Variants in MGAT4C observed in about 807,000 individuals in gnomAD.
MGAT4C encodes alpha-1,3-mannosyl-glycoprotein 4-beta-N-acetylglucosaminyltransferase C.
MGAT4C carries 19 observed loss-of-function variants against 40.1 expected under a neutral mutation model. That is an observed-to-expected ratio of 0.47 (90% confidence interval 0.33 to 0.70). MGAT4C has a LOEUF of 0.70. Among genes scored for constraint, MGAT4C ranks in the 30% least tolerant of loss-of-function variants. The probability of loss-of-function intolerance (pLI) is 0.02; values close to 1 mark genes in which losing one functional copy is unlikely to be tolerated. For synonymous variants in MGAT4C, 181 were observed against 187.1 expected, an observed-to-expected ratio of 0.97 and a Z score of 0.27; for missense variants, 491 against 563.2, an observed-to-expected ratio of 0.87 and a Z score of 1.30.
intron 4 of MGAT4C, among the ~76,000 whole-genome samples, chr12:86,313,143 C>A (rs1954120799): frequency 6.6e-6 from 1 of 151,940 alleles, no homozygotes; most frequent in Non-Finnish European, 1.5e-5. Flanking sequence ...TACAAAAAGA[C>A]AGTATTTTTT....
intron 1 of MGAT4C, among the ~76,000 whole-genome samples, chr12:86,728,118 G>T (rs1277019045): frequency 6.6e-6 from 1 of 152,132 alleles, no homozygotes; most frequent in African/African-American, 2.4e-5. Context: ...AGTCTATGAG[G>T]AGTGAGATGT....
intron 3 of MGAT4C, among the ~76,000 whole-genome samples, chr12:86,408,477 C>CTA (rs1222218802): frequency 2.1e-3 from 209 of 97,464 alleles, no homozygotes; most frequent in Non-Finnish European, 2.7e-3. Flanking sequence ...CTCTCTCTCT[C>CTA]TCTATATATA....
intron 1 of MGAT4C, among the ~76,000 whole-genome samples, chr12:86,148,538 A>G (rs1883854948): frequency 6.6e-6 from 1 of 152,150 alleles, no homozygotes; most frequent in Non-Finnish European, 1.5e-5. Flanking sequence ...TGTCTGTGCA[A>G]ATTTTCTCAT....
At position 85,989,472 on chromosome 12, in the gene MGAT4C, T is replaced by A; in HGVS notation, c.75A>T (p.Thr25=). Residue 25 remains threonine, a synonymous_variant, in exon 3 of 5, where the codon ACA becomes ACT. Coordinates refer to ENST00000611864, the MANE Select transcript of MGAT4C (RefSeq NM_001351288.2). The stretch of plus-strand genomic sequence containing the variant: ...TGACAAGAACTCCCAAGAATGACAC[T>A]GTAGAACGTTTTCTCAGGCATCTCA... ...DKMRCLRKRS[T]VSFLGVLVIF... 6.2e-7 allele frequency: 1 copy of A among 1,607,740 alleles called. No homozygotes were observed. The highest frequency in any genetic ancestry group is 8.5e-7 in the Non-Finnish European group (1 of 1,175,908).
chr12:86,242,152 G>A (rs1408686668), intron 1 of MGAT4C, among the ~76,000 whole-genome samples: 1 of 152,092 alleles, frequency 6.6e-6, no homozygotes, highest in Non-Finnish European at 1.5e-5. Context: ...TTTAAATTCT[G>A]CCTAGGGCCT....
At chr12:86,753,531 T>C (rs534527481) in intron 1 of MGAT4C, among the ~76,000 whole-genome samples, 1 of 152,206 alleles carries the variant, frequency 6.6e-6, no homozygotes, top group Admixed American at 6.6e-5. Flanking sequence ...TGTGTGTGTG[T>C]CTTTAATTCC....
At chr12:86,307,562 C>A (rs1424333836) in intron 4 of MGAT4C, among the ~76,000 whole-genome samples, 2 of 150,284 alleles carry the variant, frequency 1.3e-5, no homozygotes, top group African/African-American at 5.0e-5. Context: ...TGCTTTTCAG[C>A]AACAATTTTA....
At chr12:86,611,424 A>AGG (rs1383470518) in intron 2 of MGAT4C, among the ~76,000 whole-genome samples, 29 of 133,614 alleles carry the variant, frequency 2.2e-4, no homozygotes, top group Non-Finnish European at 4.0e-4. Context: ...AGGTAGGTAG[A>AGG]TAGATAGATG....
rs554251064 is a variant in MGAT4C, at chr12:85,961,104, T to A, written c.*18185A>T. On this transcript the variant is annotated 3_prime_UTR_variant, in exon 5 of 5. Transcript: ENST00000611864. ...GCAAGAATTACAAATTGGGAGCAGG[T>A]AAGAAAATTGTTGTTGACTCTCATT... is the stretch of plus-strand genomic sequence containing the variant. The A allele has an allele frequency of 6.6e-6, 1 of 152,064 alleles. No individual in the cohort carries two copies. The highest frequency in any genetic ancestry group is 2.1e-4 in the South Asian group (1 of 4,830). 9.4% of individuals were successfully genotyped at this position (152,064 alleles called of 1,614,324 possible).
At chr12:86,166,265 A>T (rs967411531) in intron 1 of MGAT4C, among the ~76,000 whole-genome samples, 1 of 152,224 alleles carries the variant, frequency 6.6e-6, no homozygotes, top group Non-Finnish European at 1.5e-5. Context: ...CTTAAATTCT[A>T]AACTATTACT....
chr12:86,110,165 T>C (rs1234652800), intron 1 of MGAT4C, among the ~76,000 whole-genome samples: 2 of 146,470 alleles, frequency 1.4e-5, no homozygotes, highest in Non-Finnish European at 3.0e-5. Context: ...CGTAACATGT[T>C]AGGAGATTAG....
chr12:86,371,913 A>G (rs567017374), intron 3 of MGAT4C, among the ~76,000 whole-genome samples: 4 of 152,142 alleles, frequency 2.6e-5, no homozygotes, highest in South Asian at 4.1e-4. Flanking sequence ...ACTTTCCTGG[A>G]AATAAAAAAT....
intron 3 of MGAT4C, among the ~76,000 whole-genome samples, chr12:86,403,372 T>A (rs1956406333): frequency 6.6e-6 from 1 of 152,212 alleles, no homozygotes; most frequent in Non-Finnish European, 1.5e-5. Context: ...AGGAAAAATA[T>A]ATGCAAATAC....
In MGAT4C at chr12:86,514,081, C is replaced by G. The variant is rs1420366124; in HGVS notation, c.-228-78816G>C. On this transcript the variant is annotated intron_variant, in intron 2 of 7. Coordinates refer to the MGAT4C transcript ENST00000548651. ...AGCCATGCACCAACACACACACACA[C>G]ACACACACACACACACACACACACA... Among the ~76,000 whole-genome samples, 14 of 151,020 alleles carry G rather than the reference C, an allele frequency of 9.3e-5. 1 individual carries two copies. The East Asian group carries it at 2.5e-3, about 27-fold the overall frequency.
chr12:86,164,822 C>A (rs904308746), intron 1 of MGAT4C, among the ~76,000 whole-genome samples: 4 of 151,990 alleles, frequency 2.6e-5, no homozygotes, highest in Non-Finnish European at 5.9e-5. Context: ...CTTAGCAGGG[C>A]AATTTAGGCC....
chr12:86,490,291 T>A (rs939000509), intron 2 of MGAT4C, among the ~76,000 whole-genome samples: 4 of 152,008 alleles, frequency 2.6e-5, no homozygotes, highest in Non-Finnish European at 4.4e-5. Flanking sequence ...AGAAAAGAAT[T>A]TTCAACCCAG....
chr12:86,388,682 T>TG (rs1163512999), intron 3 of MGAT4C, among the ~76,000 whole-genome samples: 8 of 137,470 alleles, frequency 5.8e-5, no homozygotes, highest in South Asian at 4.8e-4. Flanking sequence ...TTTGTTTTTT[T>TG]TTTTTTTTTT....
At chr12:86,816,348 TTTAAA>T (rs1952606578) in intron 1 of MGAT4C, among the ~76,000 whole-genome samples, 1 of 151,912 alleles carries the variant, frequency 6.6e-6, no homozygotes. Context: ...TACAAGTTTG[TTTAAA>T]TTAGTTGACG....
intron 2 of MGAT4C, among the ~76,000 whole-genome samples, chr12:86,554,827 G>A (rs928013262): frequency 2.0e-5 from 3 of 152,028 alleles, no homozygotes; most frequent in African/African-American, 7.2e-5. Context: ...TGGAGATCAG[G>A]AGTCTGAAAT....
Sources: allele counts gnomAD v4.1 joint callset (sites outside exome capture counted in the v4.1 genomes callset), GRCh38; gene constraint gnomAD v4.1.1; transcripts MANE v1.5; gene names NCBI Gene and HGNC (gene_info 2026-07-23, HGNC 2026-07-21).